Variants in COL23A1 observed in about 807,000 individuals in gnomAD.
COL23A1 encodes collagen type XXIII alpha 1 chain.
Under a neutral mutation model 99.3 loss-of-function variants are expected in COL23A1, and 97 were observed. The ratio of observed to expected loss-of-function variants is 0.98; its 90% CI spans 0.83 to 1.16. The LOEUF (loss-of-function observed/expected upper bound fraction) is 1.16, where lower values mean the gene tolerates loss of function less well. COL23A1 is among the 50% of genes most tolerant of loss of function. The probability of loss-of-function intolerance (pLI) is 0.00; values close to 1 mark genes in which losing one functional copy is unlikely to be tolerated. For missense variants in COL23A1, 762 were observed against 757.4 expected (o/e 1.01, Z -0.07); for synonymous variants, 320 against 308.2 (o/e 1.04, Z -0.40).
intron 28 of COL23A1, 140 bp from the exon 29 acceptor site, chr5:178,238,840 G>A: frequency 8.4e-7 from 1 of 1,193,324 alleles, no homozygotes; most frequent in South Asian, 1.2e-5. Context: ...TGGGCCAGTT[G>A]GGACAATATC....
intron 2 of COL23A1, among the ~76,000 whole-genome samples, chr5:178,358,242 G>GTGTATGTATGTGTGTGTA (rs567013661): frequency 3.8e-4 from 18 of 47,084 alleles, no homozygotes; most frequent in African/African-American, 7.7e-4. Flanking sequence ...ATGTGTGTAT[G>GTGTATGTATGTGTGTGTA]TGTATGTGTG....
At chr5:178,461,196 C>T (rs1161366638) in intron 2 of COL23A1, among the ~76,000 whole-genome samples, 1 of 152,228 alleles carries the variant, frequency 6.6e-6, no homozygotes, top group Non-Finnish European at 1.5e-5. Flanking sequence ...AACCTTGTGG[C>T]CACAAGGACT....
intron 3 of COL23A1, among the ~76,000 whole-genome samples, chr5:178,296,770 C>T (rs928570387): frequency 2.0e-5 from 3 of 152,064 alleles, no homozygotes; most frequent in Admixed American, 6.5e-5. Flanking sequence ...AGACTGATCT[C>T]GTTGCTCGTG....
chr5:178,249,929 T>C, intron 18 of COL23A1, 132 bp downstream of exon 18: 2 of 1,249,848 alleles, frequency 1.6e-6, no homozygotes, highest in Non-Finnish European at 2.3e-6. Flanking sequence ...CCAAAATCCA[T>C]GATTTTTGAT....
chr5:178,244,954 G>A lies in COL23A1; in HGVS notation c.1440+988C>T, dbSNP rs573774370. 2.8e-5 allele frequency among the ~76,000 whole-genome samples: 4 copies of A among 141,544 alleles called. No individual in the cohort carries two copies. In the South Asian group the frequency reaches 9.6e-4, roughly 34 times the overall value. The allele number at this position is 141,544 out of a possible 152,430, so 92.9% of individuals were successfully genotyped here. ...CCATCCATCCATCCATCCCTCCACT[G>A]CCATCATCATCCATCCATCCACTCA... On this transcript the variant is annotated intron_variant, in intron 25 of 28. Transcript: ENST00000390654.
At chr5:178,587,119 T>A (rs1472118817) in intron 1 of COL23A1, among the ~76,000 whole-genome samples, 21 of 152,218 alleles carry the variant, frequency 1.4e-4, no homozygotes, top group Non-Finnish European at 4.4e-5. Context: ...TTTATAACAT[T>A]GTAACTATAG....
intron 2 of COL23A1, among the ~76,000 whole-genome samples, chr5:178,487,175 A>G (rs1031869265): frequency 2.0e-5 from 3 of 151,900 alleles, no homozygotes; most frequent in Non-Finnish European, 4.4e-5. Context: ...CTCAGAATCT[A>G]GAGGCTCCAG....
intron 25 of COL23A1, 116 bp from the exon 26 acceptor site, chr5:178,242,510 G>A (rs1439984063): frequency 3.9e-6 from 4 of 1,017,948 alleles, no homozygotes; most frequent in African/African-American, 1.6e-5. Context: ...CTGCATATTC[G>A]TGGCACACGC....
chr5:178,316,258 A>G (rs1758977482), intron 2 of COL23A1, among the ~76,000 whole-genome samples: 1 of 152,234 alleles, frequency 6.6e-6, no homozygotes, highest in Non-Finnish European at 1.5e-5. Context: ...TATTCTGAAA[A>G]ACAAAGAAAC....
rs984287446 is a variant in COL23A1, at chr5:178,415,559, C to T, written c.362-108640G>A. ...CTCCACAGCCAGAGGACACGAGGGACGCCCCTTGCAGATACTTCCAATGTG... is the reference window on the plus strand; with the variant it reads ...CTCCACAGCCAGAGGACACGAGGGATGCCCCTTGCAGATACTTCCAATGTG... On this transcript the variant is annotated intron_variant, in intron 2 of 28. Coordinates refer to ENST00000390654, the MANE Select transcript of COL23A1 (RefSeq NM_173465.4). The surrounding 1 kb of genome is among the most constrained non-coding windows in gnomAD (Gnocchi z 4.6). 2.0e-5 allele frequency among the ~76,000 whole-genome samples: 3 copies of T among 152,168 alleles called. No individual in the cohort carries two copies. The highest frequency in any genetic ancestry group is 7.2e-5 in the African/African-American group (3 of 41,432).
intron 2 of COL23A1, among the ~76,000 whole-genome samples, chr5:178,348,870 G>C (rs138553606): frequency 1.3e-5 from 2 of 152,268 alleles, no homozygotes; most frequent in African/African-American, 4.8e-5. Flanking sequence ...AGCAGGGAGG[G>C]AGATCAAATT....
intron 2 of COL23A1, among the ~76,000 whole-genome samples, chr5:178,514,304 C>G (rs1359041544): frequency 6.6e-6 from 1 of 152,222 alleles, no homozygotes; most frequent in East Asian, 1.9e-4. Flanking sequence ...GACCGCTTAT[C>G]CCTTCTTCCA....
chr5:178,530,363 G>A (rs911445184), intron 2 of COL23A1, among the ~76,000 whole-genome samples: 2 of 152,200 alleles, frequency 1.3e-5, no homozygotes, highest in Non-Finnish European at 2.9e-5. Context: ...CCAGGAGGCT[G>A]AGGTGGGAGG....
chr5:178,378,514 G>C (rs990832545), intron 2 of COL23A1, among the ~76,000 whole-genome samples: 2 of 152,232 alleles, frequency 1.3e-5, no homozygotes, highest in African/African-American at 4.8e-5. Context: ...TGTGATCAGA[G>C]TAGTAAAACC....
intron 2 of COL23A1, among the ~76,000 whole-genome samples, chr5:178,346,268 C>T (rs1034475823): frequency 1.3e-5 from 2 of 152,072 alleles, no homozygotes; most frequent in Non-Finnish European, 2.9e-5. Flanking sequence ...GAGTTTCGTT[C>T]TGTCGCCCAG....
chr5:178,303,467 C>A (rs1758179715), intron 3 of COL23A1, among the ~76,000 whole-genome samples: 1 of 152,188 alleles, frequency 6.6e-6, no homozygotes, highest in Non-Finnish European at 1.5e-5. Context: ...GTCCATCTTC[C>A]CCCTTGTTTT....
In COL23A1 at chr5:178,283,467, C is replaced by T. The variant is rs560254923; in HGVS notation, c.441+4857G>A. ...TTAAATCTCACTTCAATGTTACTTT[C>T]CTCAAGAACCTTCTGATTATTTAAT... On this transcript the variant is annotated intron_variant, in intron 5 of 28. Coordinates refer to ENST00000390654, the MANE Select transcript of COL23A1 (RefSeq NM_173465.4). Among the ~76,000 whole-genome samples, 102 of 152,322 alleles carry T rather than the reference C, an allele frequency of 6.7e-4. 1 individual carries two copies. Among genetic ancestry groups the T allele is most frequent in the African/African-American group, 2.3e-3 (97 of 41,562 alleles).
chr5:178,247,497 G>A, intron 22 of COL23A1, 29 bp downstream of exon 22: 1 of 1,613,566 alleles, frequency 6.2e-7, no homozygotes, highest in South Asian at 1.1e-5. Context: ...GTGAGTCTGA[G>A]GCCAGTAGAG....
At position 178,517,745 on chromosome 5, in the gene COL23A1, A is replaced by C. The variant is rs549843518; in HGVS notation, c.361+42937T>G. 5.4e-4 allele frequency among the ~76,000 whole-genome samples: 82 copies of C among 151,434 alleles called. 1 individual carries two copies. Among genetic ancestry groups the C allele is most frequent in the South Asian group, 8.4e-4 (4 of 4,780 alleles). On this transcript the variant is annotated intron_variant, in intron 2 of 28. Transcript: ENST00000390654. ...CCAAGCTAATTTTTGTATGTTTAGT[A>C]GAGACGGGGTTTCACCATGTTAGCC...
Sources: gnomAD v4.1 joint callset for allele counts (sites outside exome capture counted in the v4.1 genomes callset) on GRCh38, gnomAD v4.1.1 for gene constraint, Gnocchi (gnomAD v3.1) non-coding constraint, MANE v1.5 for transcripts, NCBI Gene and HGNC (gene_info 2026-07-23, HGNC 2026-07-21) for gene names.